The following C1QTNF7 variants were observed in gnomAD, a reference collection of about 807,000 sequenced individuals.
C1QTNF7 encodes the protein C1q and TNF related 7.
A neutral mutation model predicts 19.6 loss-of-function variants in C1QTNF7; 15 were observed. The observed-to-expected ratio is 0.76, with a 90% CI of 0.51 to 1.18. C1QTNF7 has a LOEUF of 1.18. Among genes scored for constraint, C1QTNF7 ranks in the 50% most tolerant of loss-of-function variants. C1QTNF7 has a pLI of 0.00. For synonymous variants in C1QTNF7, 142 were observed against 137.5 expected, an observed-to-expected ratio of 1.03 and a Z score of -0.23; for missense variants, 324 against 359.7, an observed-to-expected ratio of 0.90 and a Z score of 0.80.
upstream of C1QTNF7, among the ~76,000 whole-genome samples, chr4:15,425,550 G>A (rs1260707929): frequency 6.6e-6 from 1 of 152,110 alleles, no homozygotes; most frequent in Admixed American, 6.5e-5. Flanking sequence ...GAGAGGAGGA[G>A]GAAGAAACAG....
At chr4:15,415,005 G>A (rs1719543997) in intron 1 of C1QTNF7, among the ~76,000 whole-genome samples, 1 of 152,216 alleles carries the variant, frequency 6.6e-6, no homozygotes, top group East Asian at 1.9e-4. Flanking sequence ...AAACATGAGT[G>A]CGCATACCCT....
intron 1 of C1QTNF7, among the ~76,000 whole-genome samples, chr4:15,351,692 C>T (rs990364497): frequency 2.6e-5 from 4 of 152,078 alleles, no homozygotes; most frequent in Non-Finnish European, 4.4e-5. Flanking sequence ...AATATGCAGC[C>T]AAAGTAGAGA....
At chr4:15,341,600 A>G (rs900203211) in intron 1 of C1QTNF7, among the ~76,000 whole-genome samples, 2 of 152,054 alleles carry the variant, frequency 1.3e-5, no homozygotes, top group Non-Finnish European at 2.9e-5. Context: ...CTCTTTCCCA[A>G]ATCTTCTTCT....
chr4:15,343,720 A>G (rs1416048262), intron 1 of C1QTNF7, among the ~76,000 whole-genome samples: 13 of 152,230 alleles, frequency 8.5e-5, no homozygotes, highest in African/African-American at 2.9e-4. Flanking sequence ...TGGGAATTCA[A>G]AGAAGACAAG....
rs892416422 is a variant in C1QTNF7, at chr4:15,389,670, C to T, written c.14-46066C>T. ...CTGACCTCACGTGATCCACCTACCT[C>T]GGCCTCCCAAAGTGCTCGGATTACA... On this transcript the variant is annotated intron_variant, in intron 1 of 2. Transcript: ENST00000295297. Among the ~76,000 whole-genome samples, 5 of 152,244 alleles carry T rather than the reference C, an allele frequency of 3.3e-5. No homozygotes were observed. In the East Asian group the frequency reaches 5.8e-4, roughly 18 times the overall value.
chr4:15,363,328 C>G (rs923537518), intron 1 of C1QTNF7, among the ~76,000 whole-genome samples: 37 of 151,676 alleles, frequency 2.4e-4, no homozygotes, highest in African/African-American at 8.5e-4. Flanking sequence ...TATTTTTATT[C>G]AAGTAGAACG....
intron 1 of C1QTNF7, among the ~76,000 whole-genome samples, chr4:15,414,626 C>T (rs140588524): frequency 1.3e-5 from 2 of 152,110 alleles, no homozygotes; most frequent in African/African-American, 4.8e-5. Flanking sequence ...GTTTGTTTTG[C>T]TTCCTTTTCT....
At chr4:15,428,302 G>A (rs988672593) in intron 1 of C1QTNF7, among the ~76,000 whole-genome samples, 196 bp downstream of exon 1, 1 of 152,100 alleles carries the variant, frequency 6.6e-6, no homozygotes, top group African/African-American at 2.4e-5. Context: ...TCAGGACCTT[G>A]GTTCCCCATC....
intron 1 of C1QTNF7, among the ~76,000 whole-genome samples, chr4:15,379,630 T>A (rs1219255591): frequency 6.6e-6 from 1 of 151,880 alleles, no homozygotes; most frequent in African/African-American, 2.4e-5. Context: ...AATAAGGGGC[T>A]TTTTTTTAAC....
chr4:15,444,368 G>A lies in C1QTNF7; in HGVS notation c.*1569G>A, dbSNP rs1712909951. The A allele has an allele frequency of 6.6e-6, 1 of 151,912 alleles. No individual in the cohort carries two copies. Among genetic ancestry groups the A allele is most frequent in the African/African-American group, 2.4e-5 (1 of 41,316 alleles). The allele number at this position is 151,912 out of a possible 1,614,324, so 9.4% of individuals were successfully genotyped here. A position where few individuals can be genotyped will look rare whatever the true frequency, so the allele number is the denominator to read the frequency against. On this transcript the variant is annotated 3_prime_UTR_variant, in exon 3 of 3. Transcript: ENST00000444304. The stretch of plus-strand genomic sequence containing the variant: ...TTTACTGTCGAAAATGCAAACTTGG[G>A]GAGGGCGGAAACATCACACACAAGG...
At position 15,428,104 on chromosome 4, in the gene C1QTNF7, A is replaced by AAGG; in HGVS notation, c.-10_-9+1dup. The AAGG allele has an allele frequency of 2.0e-6, 2 of 984,750 alleles. No homozygotes were observed. Among genetic ancestry groups the AAGG allele is most frequent in the Non-Finnish European group, 2.4e-6 (2 of 829,314 alleles). The allele number at this position is 984,750 out of a possible 1,614,324, so 61.0% of individuals were successfully genotyped here. ...CTGCAGCAGCCCACCATCTAAGAGC[A>AAGG]AGGTATGGTGTTTACTCTTTTTTTT... On this transcript the variant is annotated splice_region_variant and 5_prime_UTR_variant, in exon 1 of 3. Transcript: ENST00000444304.
At chr4:15,421,154 C>A (rs547644793) in intron 1 of C1QTNF7, among the ~76,000 whole-genome samples, 2 of 151,534 alleles carry the variant, frequency 1.3e-5, no homozygotes, top group Admixed American at 1.3e-4. Flanking sequence ...TTTAGAAACA[C>A]CAAAATGTTC....
intron 1 of C1QTNF7, among the ~76,000 whole-genome samples, chr4:15,394,413 G>A (rs559272535): frequency 6.6e-6 from 1 of 152,222 alleles, no homozygotes; most frequent in Non-Finnish European, 1.5e-5. Flanking sequence ...GGCAGAGAAA[G>A]GTATTCACCA....
chr4:15,379,152 A>T (rs1251622020), intron 1 of C1QTNF7, among the ~76,000 whole-genome samples: 5 of 152,178 alleles, frequency 3.3e-5, no homozygotes, highest in African/African-American at 4.8e-5. Context: ...TGCAAAGCAC[A>T]TTTTTTTAAT....
chr4:15,442,809 A>AG lies in C1QTNF7; in HGVS notation c.*11dup. 2 of 1,587,208 alleles carry AG rather than the reference A, an allele frequency of 1.3e-6. No individual in the cohort carries two copies. The highest frequency in any genetic ancestry group is 1.7e-6 in the Non-Finnish European group (2 of 1,168,182). On this transcript the variant is annotated 3_prime_UTR_variant, in exon 3 of 3. Coordinates refer to ENST00000444304, the MANE Select transcript of C1QTNF7 (RefSeq NM_031911.5). ...AGATGATGAATTGTGATCAGGACCA[A>AG]GATCCCTGTGGTAAACACTCTGATT...
intron 2 of C1QTNF7, among the ~76,000 whole-genome samples, chr4:15,437,555 A>T (rs1198723572): frequency 1.3e-5 from 2 of 152,332 alleles, no homozygotes; most frequent in South Asian, 2.1e-4. Flanking sequence ...TTAAAGACAT[A>T]TATGTGGATA....
In C1QTNF7 at chr4:15,443,697, A is replaced by C. The variant is rs1712880912; in HGVS notation, c.*898A>C. On this transcript the variant is annotated 3_prime_UTR_variant, in exon 3 of 3. Transcript: ENST00000444304. ...AATCTAGAGACAGAGGAGGCCTGGC[A>C]GGGGTGATAAAAATGGAGATTGAAA... 6.6e-6 allele frequency: 1 copy of C among 152,198 alleles called. No homozygotes were observed. The highest frequency in any genetic ancestry group is 2.4e-5 in the African/African-American group (1 of 41,446). 9.4% of individuals were successfully genotyped at this position (152,198 alleles called of 1,614,324 possible).
chr4:15,392,898 C>A (rs779279120), intron 1 of C1QTNF7, among the ~76,000 whole-genome samples: 1 of 152,172 alleles, frequency 6.6e-6, no homozygotes, highest in Non-Finnish European at 1.5e-5. Flanking sequence ...AAATCACCAT[C>A]ATGACTGCAA....
intron 1 of C1QTNF7, among the ~76,000 whole-genome samples, chr4:15,361,556 C>G (rs1206688629): frequency 1.3e-5 from 2 of 152,032 alleles, no homozygotes; most frequent in African/African-American, 4.8e-5. Flanking sequence ...CCAAATGATT[C>G]CAGAAAGGTG....
Sources: allele counts gnomAD v4.1 joint callset (sites outside exome capture counted in the v4.1 genomes callset), GRCh38; gene constraint gnomAD v4.1.1; transcripts MANE v1.5; gene names NCBI Gene and HGNC (gene_info 2026-07-23, HGNC 2026-07-21).